GOPC: variants seen among roughly 807,000 people sequenced by gnomAD.
GOPC encodes golgi associated PDZ and coiled-coil motif containing.
In GOPC, 32 loss-of-function variants were observed where a neutral mutation model predicts 51.2. The ratio of observed to expected loss-of-function variants is 0.63; its 90% CI spans 0.47 to 0.84. The LOEUF (loss-of-function observed/expected upper bound fraction) is 0.84, where lower values mean the gene tolerates loss of function less well. GOPC is among the 40% of genes least tolerant of loss of function. The pLI is 0.00. For missense variants in GOPC, 441 were observed against 555.5 expected, an observed-to-expected ratio of 0.79 and a Z score of 2.07; for synonymous variants, 190 against 205.1, an observed-to-expected ratio of 0.93 and a Z score of 0.63.
intron 3 of GOPC, 121 bp from the exon 4 acceptor site, chr6:117,575,473 C>T (rs765660530): frequency 3.9e-5 from 32 of 819,432 alleles, no homozygotes; most frequent in Admixed American, 2.1e-4. Context: ...TAAAATGGAA[C>T]ACAAAGATCT....
rs369949530 is a variant in GOPC at position 117,570,916 on chromosome 6, T to C, written c.856A>G (p.Ile286Val). The C allele has an allele frequency of 8.1e-6, 13 of 1,599,724 alleles. No homozygotes were observed. The highest frequency in any genetic ancestry group is 2.7e-5 in the African/African-American group (2 of 74,586). ...SLKKSQGVGPIRKVLLLKEDH... is the reference protein window; with the variant it reads ...SLKKSQGVGPVRKVLLLKEDH... ...TCCTTAAGGAGGAGAACTTTTCTAA[T>C]TGGACCAACACCTTGGCTTTTCTTT... is the stretch of plus-strand genomic sequence containing the variant. The change falls in exon 6 of 9, where the codon ATT becomes GTT. Residue 286 changes from isoleucine to valine, a missense_variant. Transcript: ENST00000368498.
chr6:117,568,505 C>T (rs1434766412), intron 7 of GOPC, among the ~76,000 whole-genome samples: 5 of 152,194 alleles, frequency 3.3e-5, no homozygotes, highest in South Asian at 2.1e-4. Context: ...AGTTATCCCA[C>T]TCTTTTGCTA....
At chr6:117,593,984 A>C (rs1436898651) in intron 1 of GOPC, among the ~76,000 whole-genome samples, 1 of 152,202 alleles carries the variant, frequency 6.6e-6, no homozygotes, top group African/African-American at 2.4e-5. Flanking sequence ...AATTTTCTGC[A>C]TTCATTCATG....
rs180883922 is a variant in GOPC at position 117,569,841 on chromosome 6, C to T, written c.913-105G>A. On this transcript the variant is annotated intron_variant, in intron 6 of 8. Transcript: ENST00000368498. ...CTTAAAAATATATTTCATTAAACAC[C>T]TATGCTGTCTCTATAAATGCTGGGT... 98 of 1,221,864 alleles carry T rather than the reference C, an allele frequency of 8.0e-5. No homozygotes were observed. In the African/African-American group the frequency reaches 1.2e-3, roughly 16 times the overall value. The allele number at this position is 1,221,864 out of a possible 1,614,324, so 75.7% of individuals were successfully genotyped here.
At chr6:117,584,072 A>G (rs1445235485) in intron 1 of GOPC, among the ~76,000 whole-genome samples, 3 of 152,206 alleles carry the variant, frequency 2.0e-5, no homozygotes, top group Non-Finnish European at 2.9e-5. Context: ...CAATGATTTC[A>G]GCTCATTCCC....
intron 1 of GOPC, 105 bp downstream of exon 1, chr6:117,601,899 C>G: frequency 1.6e-6 from 2 of 1,269,926 alleles, no homozygotes; most frequent in Non-Finnish European, 2.2e-6. Flanking sequence ...TTTGAAGCCC[C>G]GGTGGGCAGT....
At chr6:117,597,832 T>C (rs550639978) in intron 1 of GOPC, among the ~76,000 whole-genome samples, 260 of 152,010 alleles carry the variant, frequency 1.7e-3, no homozygotes, top group Non-Finnish European at 2.8e-3. Flanking sequence ...CCCATGTTTA[T>C]TGCAACACTA....
intron 5 of GOPC, among the ~76,000 whole-genome samples, chr6:117,572,460 A>G (rs1320949327): frequency 6.6e-6 from 1 of 152,194 alleles, no homozygotes; most frequent in African/African-American, 2.4e-5. Flanking sequence ...CAAAATAACT[A>G]TTAAAAAATG....
intron 1 of GOPC, among the ~76,000 whole-genome samples, chr6:117,586,813 C>G (rs1780039555): frequency 6.6e-6 from 1 of 152,184 alleles, no homozygotes; most frequent in African/African-American, 2.4e-5. Context: ...CAGAACCATT[C>G]TTCATAAGAC....
intron 6 of GOPC, 116 bp from the exon 7 acceptor site, chr6:117,569,852 C>G: frequency 1.8e-6 from 2 of 1,134,018 alleles, no homozygotes; most frequent in Non-Finnish European, 2.3e-6. Flanking sequence ...TATGCTGTCT[C>G]TATAAATGCT....
chr6:117,585,598 T>TCAGACCTC (rs1695444010), intron 1 of GOPC, among the ~76,000 whole-genome samples: 1 of 152,200 alleles, frequency 6.6e-6, no homozygotes, highest in Admixed American at 6.5e-5. Flanking sequence ...GTATTAAAAC[T>TCAGACCTC]CAGACCTCCT....
At chr6:117,563,478 T>C (rs1779628934) in intron 8 of GOPC, 94 bp from the exon 9 acceptor site, 16 of 1,212,126 alleles carry the variant, frequency 1.3e-5, no homozygotes, top group East Asian at 2.3e-5. Flanking sequence ...TCCCAGCACT[T>C]TGAGAGGCCA....
chr6:117,572,576 C>T (rs1779821370), intron 5 of GOPC, among the ~76,000 whole-genome samples: 1 of 152,096 alleles, frequency 6.6e-6, no homozygotes, highest in African/African-American at 2.4e-5. Flanking sequence ...CCAGCCACTA[C>T]CTAAAACCCC....
intron 2 of GOPC, among the ~76,000 whole-genome samples, chr6:117,577,975 C>T (rs934218450): frequency 7.2e-5 from 11 of 152,090 alleles, no homozygotes; most frequent in African/African-American, 2.7e-4. Context: ...AAATGTATTA[C>T]TCTCATTATA....
intron 8 of GOPC, among the ~76,000 whole-genome samples, 172 bp from the exon 9 acceptor site, chr6:117,563,556 T>C (rs1280072271): frequency 6.6e-6 from 1 of 152,080 alleles, no homozygotes; most frequent in East Asian, 1.9e-4. Context: ...ACCCCGTCTC[T>C]ATTAAAAATA....
At chr6:117,594,220 C>T (rs887245496) in intron 1 of GOPC, among the ~76,000 whole-genome samples, 1 of 152,148 alleles carries the variant, frequency 6.6e-6, no homozygotes, top group Non-Finnish European at 1.5e-5. Context: ...AACTATCTCT[C>T]GAATCTTCAA....
chr6:117,580,396 T>C (rs1413653972), intron 1 of GOPC, among the ~76,000 whole-genome samples: 2 of 152,094 alleles, frequency 1.3e-5, no homozygotes, highest in Admixed American at 6.5e-5. Flanking sequence ...ATTATTAATC[T>C]TATATACAAA....
chr6:117,595,875 C>A (rs1780190052), intron 1 of GOPC, among the ~76,000 whole-genome samples: 1 of 152,030 alleles, frequency 6.6e-6, no homozygotes, highest in Admixed American at 6.6e-5. Context: ...TTGCAAGTAT[C>A]TTTTTCATAT....
intron 8 of GOPC, among the ~76,000 whole-genome samples, chr6:117,566,593 A>G (rs1022515069): frequency 2.0e-5 from 3 of 152,136 alleles, no homozygotes; most frequent in Non-Finnish European, 4.4e-5. Context: ...TCTAGAAAAA[A>G]TTTTATTTAT....
Sources: allele counts gnomAD v4.1 joint callset (sites outside exome capture counted in the v4.1 genomes callset), GRCh38; gene constraint gnomAD v4.1.1; transcripts MANE v1.5; gene names NCBI Gene and HGNC (gene_info 2026-07-23, HGNC 2026-07-21).